HERC1: variants seen among roughly 807,000 people sequenced by gnomAD.
HERC1 encodes the protein probable E3 ubiquitin-protein ligase HERC1.
In HERC1, 160 loss-of-function variants were observed where a neutral mutation model predicts 554.3. The ratio of observed to expected loss-of-function variants is 0.29; its 90% confidence interval spans 0.25 to 0.33. HERC1 has a LOEUF of 0.33. Among genes scored for constraint, HERC1 ranks in the 10% least tolerant of loss-of-function variants. The pLI, the probability that HERC1 is intolerant of heterozygous loss-of-function variation, is 1.00. For synonymous variants in HERC1, 2,175 were observed against 2,131.7 expected, an observed-to-expected ratio of 1.02 and a Z score of -0.56; for missense variants, 4,919 against 5,918.5, an observed-to-expected ratio of 0.83 and a Z score of 5.54.
In HERC1 at chr15:63,692,661, T is replaced by A; in HGVS notation, c.5675-95A>T. On this transcript the variant is annotated intron_variant, in intron 30 of 77. Transcript: ENST00000443617. This position sits in a 1 kb window ranked among gnomAD's most constrained non-coding sequence, Gnocchi z 4.7. The stretch of plus-strand genomic sequence containing the variant: ...ACCTTGAAACTGCAGTAAGCACAAA[T>A]CTAATGCAAAATCTTAGGCTGTCAG... The A allele has an allele frequency of 9.4e-7, 1 of 1,065,760 alleles. No homozygotes were observed. The highest frequency in any genetic ancestry group is 1.3e-6 in the Non-Finnish European group (1 of 761,716). The allele number at this position is 1,065,760 out of a possible 1,614,324, so 66.0% of individuals were successfully genotyped here. A position where few individuals can be genotyped will look rare whatever the true frequency, so the allele number is the denominator to read the frequency against.
intron 59 of HERC1, among the ~76,000 whole-genome samples, chr15:63,642,632 C>A (rs1371779288): frequency 6.6e-6 from 1 of 152,204 alleles, no homozygotes; most frequent in African/African-American, 2.4e-5. Flanking sequence ...AGCCACTGCA[C>A]CTGGCCTTGA....
intron 2 of HERC1, among the ~76,000 whole-genome samples, chr15:63,766,167 A>T (rs2075770156): frequency 6.6e-6 from 1 of 151,786 alleles, no homozygotes; most frequent in Admixed American, 6.6e-5. Context: ...ATTAAAATGT[A>T]TTTATACTAT....
chr15:63,624,393 C>T (rs1848056468), intron 71 of HERC1, 66 bp from the exon 72 acceptor site: 3 of 1,418,086 alleles, frequency 2.1e-6, no homozygotes, highest in Admixed American at 2.2e-5. Context: ...ACAATTTTCA[C>T]TTATAGAACA....
intron 3 of HERC1, among the ~76,000 whole-genome samples, chr15:63,759,660 T>C (rs1466577006): frequency 6.6e-6 from 1 of 152,252 alleles, no homozygotes; most frequent in Non-Finnish European, 1.5e-5. Context: ...TAAATTGACT[T>C]GTATGAACTC....
chr15:63,792,088 T>C (rs2076670843), intron 1 of HERC1, among the ~76,000 whole-genome samples: 1 of 152,228 alleles, frequency 6.6e-6, no homozygotes, highest in South Asian at 2.1e-4. Context: ...TTATATTCAA[T>C]TGACCAATAT....
Position 63,651,266 on chromosome 15 carries a change from G to A in HERC1, c.10533C>T (p.Ile3511=). 6.2e-7 allele frequency: 1 copy of A among 1,613,792 alleles called. No individual in the cohort carries two copies. The highest frequency in any genetic ancestry group is 1.6e-4 in the Middle Eastern group (1 of 6,062). The stretch of plus-strand genomic sequence containing the variant: ...CATGACTCTTACCATTAACTTGCCA[G>A]ATATTCACCATCTTTTCCAAAGCGC... ...LAGALEKMVN[I]WQVNGGKGLV... Residue 3511 remains isoleucine, a synonymous_variant, in exon 53 of 78, where the codon ATC becomes ATT. Coordinates refer to ENST00000443617, the MANE Select transcript of HERC1 (RefSeq NM_003922.4).
At position 63,734,818 on chromosome 15, in the gene HERC1, GTT is replaced by G; in HGVS notation, c.2550_2551del (p.Thr851HisfsTer22). ...TTCTCGTAATGGAGGTAACAGCATG[GTT>G]GCTCCCACTGATAAAGTTTCAATTA... On this transcript the variant is annotated frameshift_variant, in exon 13 of 78. Coordinates refer to ENST00000443617, the MANE Select transcript of HERC1 (RefSeq NM_003922.4). LOFTEE classifies it high-confidence loss of function. The surrounding 1 kb of genome is among the most constrained non-coding windows in gnomAD (Gnocchi z 4.6). 1 of 1,610,224 alleles carries G rather than the reference GTT, an allele frequency of 6.2e-7. No individual in the cohort carries two copies. Among genetic ancestry groups the G allele is most frequent in the Non-Finnish European group, 8.5e-7 (1 of 1,177,724 alleles).
chr15:63,811,532 G>A (rs935629642), intron 1 of HERC1, among the ~76,000 whole-genome samples: 3 of 152,106 alleles, frequency 2.0e-5, no homozygotes, highest in African/African-American at 7.2e-5. Flanking sequence ...GAAAGGGGCC[G>A]GGCGCGGTGG....
intron 55 of HERC1, among the ~76,000 whole-genome samples, chr15:63,647,047 G>C (rs895932554): frequency 2.0e-5 from 3 of 152,122 alleles, no homozygotes; most frequent in Non-Finnish European, 2.9e-5. Context: ...TTGAGGTCAG[G>C]AGTTCGAGAC....
chr15:63,624,049 C>G, intron 72 of HERC1, 109 bp downstream of exon 72: 1 of 1,258,882 alleles, frequency 7.9e-7, no homozygotes, highest in South Asian at 1.4e-5. Context: ...AGTACTATTA[C>G]TATCTACCCT....
intron 1 of HERC1, among the ~76,000 whole-genome samples, chr15:63,830,665 A>G (rs146671124): frequency 6.6e-6 from 1 of 152,334 alleles, no homozygotes; most frequent in East Asian, 1.9e-4. Flanking sequence ...AGCTTGGTGA[A>G]GAGTATGTAA....
intron 25 of HERC1, among the ~76,000 whole-genome samples, chr15:63,701,018 T>G (rs1329522374): frequency 6.6e-6 from 1 of 151,810 alleles, no homozygotes; most frequent in African/African-American, 2.4e-5. Context: ...ATTGAACTTG[T>G]TTTTTGGGGG....
chr15:63,647,169 G>A lies in HERC1; in HGVS notation c.10878+900C>T, dbSNP rs189233984. ...CTCAGGAGACTGAGGCAGAAGAATT[G>A]CTTGAACCTGGGGGTTGGAAATTGC... On this transcript the variant is annotated intron_variant, in intron 55 of 77. Coordinates refer to ENST00000443617, the MANE Select transcript of HERC1 (RefSeq NM_003922.4). Among the ~76,000 whole-genome samples, 85 of 152,116 alleles carry A rather than the reference G, an allele frequency of 5.6e-4. No homozygotes were observed. The East Asian group carries it at 0.011, about 20-fold the overall frequency.
At position 63,666,106 on chromosome 15, in the gene HERC1, T is replaced by C; in HGVS notation, c.8368A>G (p.Met2790Val). The part of the protein sequence containing the change: ...ADAQNITVLA[M>V]WMIEHPGHED... ...TGCCCAGGGTGCTCTATCATCCACA[T>C]GGCAAGGACAGTGATATTCTGGGCA... is the stretch of plus-strand genomic sequence containing the variant. The change falls in exon 42 of 78, where the codon ATG (methionine) becomes GTG (valine). Residue 2790 changes from methionine to valine, a missense_variant. This residue lies in a region of HERC1 where 1,963 missense variants were observed against 2,228.6 expected (regional missense o/e 0.88). Coordinates refer to ENST00000443617, the MANE Select transcript of HERC1 (RefSeq NM_003922.4). 1 of 1,613,968 alleles carries C rather than the reference T, an allele frequency of 6.2e-7. No individual in the cohort carries two copies. Among genetic ancestry groups the C allele is most frequent in the Non-Finnish European group, 8.5e-7 (1 of 1,179,864 alleles).
At chr15:63,705,752 C>T (rs2072967874) in intron 25 of HERC1, among the ~76,000 whole-genome samples, 1 of 152,070 alleles carries the variant, frequency 6.6e-6, no homozygotes, top group Admixed American at 6.5e-5. Flanking sequence ...TTAGGGTAGG[C>T]ATGGTGGCTC....
At chr15:63,811,787 C>T (rs1482865048) in intron 1 of HERC1, among the ~76,000 whole-genome samples, 2 of 132,504 alleles carry the variant, frequency 1.5e-5, no homozygotes, top group Admixed American at 8.6e-5. Context: ...CCAGCCTGGG[C>T]GACTCAGTGA....
intron 1 of HERC1, among the ~76,000 whole-genome samples, chr15:63,826,800 AAAAAAAAAAAAAAAATATATATAT>A (rs1162013124): frequency 3.7e-5 from 2 of 54,658 alleles, no homozygotes; most frequent in African/African-American, 6.9e-5. Context: ...AAAAAAAAAA[AAAAAAAAAAAAAAAATATATATAT>A]ATATATATAT....
At chr15:63,744,189 T>TCTCTC (rs1555433579) in intron 12 of HERC1, among the ~76,000 whole-genome samples, 1 of 150,404 alleles carries the variant, frequency 6.6e-6, no homozygotes, top group Non-Finnish European at 1.5e-5. Flanking sequence ...TCTCTCTCTC[T>TCTCTC]CTCTCTCTGT....
At chr15:63,620,445 T>C (rs933611852) in intron 74 of HERC1, among the ~76,000 whole-genome samples, 9 of 152,238 alleles carry the variant, frequency 5.9e-5, no homozygotes, top group African/African-American at 1.9e-4. Flanking sequence ...AGGTGTGGTG[T>C]GGTGCTGAAA....
Sources: allele counts gnomAD v4.1 joint callset (sites outside exome capture counted in the v4.1 genomes callset), GRCh38; gene constraint gnomAD v4.1.1; regional missense constraint gnomAD v4.1.1; non-coding constraint Gnocchi (gnomAD v3.1); transcripts MANE v1.5; gene names NCBI Gene and HGNC (gene_info 2026-07-23, HGNC 2026-07-21).